CPD: variants seen among roughly 807,000 people sequenced by gnomAD.
CPD encodes metallocarboxypeptidase D.
In CPD, 69 loss-of-function variants were observed where a neutral mutation model predicts 138.3. The observed-to-expected ratio is 0.50, with a 90% CI of 0.41 to 0.61. The LOEUF (loss-of-function observed/expected upper bound fraction) is 0.61. Among genes scored for constraint, CPD ranks in the 20% least tolerant of loss-of-function variants. CPD has a pLI of 0.00. For missense variants in CPD, 1,432 were observed against 1,733.3 expected (o/e 0.83, Z 3.09); for synonymous variants, 651 against 642.1 (o/e 1.01, Z -0.21).
At chr17:30,451,614 A>G (rs140465883) in intron 13 of CPD, 97 bp from the exon 14 acceptor site, 28 of 1,035,936 alleles carry the variant, frequency 2.7e-5, no homozygotes, top group Non-Finnish European at 3.8e-5. Context: ...TAAATTAACT[A>G]TGTGTAGAAT....
intron 6 of CPD, 137 bp from the exon 7 acceptor site, chr17:30,427,254 A>G (rs1597721658): frequency 1.5e-6 from 1 of 662,656 alleles, no homozygotes; most frequent in East Asian, 2.8e-5. Flanking sequence ...AGACAGTTTC[A>G]TAATCATAGG....
intron 1 of CPD, chr17:30,380,766 C>T (rs111940987): frequency 1.5e-5 from 9 of 609,242 alleles, no homozygotes; most frequent in African/African-American, 5.7e-5. Context: ...CAGAGATGGG[C>T]AGGATTTTCA....
rs549778920 is a variant in CPD at position 30,412,106 on chromosome 17, A to G, written c.995-8735A>G. ...CTTCCTGTTTGTTAATTTTCCTTCT[A>G]ACAGGCCCCTCAGCTGCAGGTCTGT... On this transcript the variant is annotated intron_variant, in intron 2 of 20. Transcript: ENST00000225719. Among the ~76,000 whole-genome samples the G allele has an allele frequency of 1.1e-4, 16 of 152,168 alleles. No homozygotes were observed. The South Asian group carries it at 3.1e-3, about 30-fold the overall frequency.
Position 30,379,113 on chromosome 17 carries a change from A to G in CPD, c.133A>G (p.Ser45Gly). 2 of 1,544,596 alleles carry G rather than the reference A, an allele frequency of 1.3e-6. No individual in the cohort carries two copies. Among genetic ancestry groups the G allele is most frequent in the South Asian group, 1.2e-5 (1 of 84,614 alleles). ...KKAEATTTTTSAGAEAAEGQF... is the reference protein window; with the variant it reads ...KKAEATTTTTGAGAEAAEGQF... ...GGCGGAGGCGACTACCACAACTACG[A>G]GCGCGGGCGCCGAGGCGGCCGAGGG... The change falls in exon 1 of 21, where the codon AGC (serine) becomes GGC (glycine). Residue 45 changes from serine to glycine, a missense_variant. By Grantham distance (56) the Ser-to-Gly change is moderately conservative (BLOSUM62 0). Transcript: ENST00000225719. The surrounding 1 kb of genome is among the most constrained non-coding windows in gnomAD (Gnocchi z 7.0).
chr17:30,424,361 A>AT (rs1912345724), intron 6 of CPD, among the ~76,000 whole-genome samples: 1 of 152,108 alleles, frequency 6.6e-6, no homozygotes, highest in Non-Finnish European at 1.5e-5. Flanking sequence ...ATTAATGCTG[A>AT]TTGACTTTTC....
rs755230766 is a variant in CPD, at chr17:30,451,705, C to G, written c.3070-6C>G. 1 of 1,611,608 alleles carries G rather than the reference C, an allele frequency of 6.2e-7. No homozygotes were observed. Among genetic ancestry groups the G allele is most frequent in the Non-Finnish European group, 8.5e-7 (1 of 1,178,880 alleles). On this transcript the variant is annotated splice_polypyrimidine_tract_variant and splice_region_variant and intron_variant, in intron 13 of 20. Coordinates refer to ENST00000225719, the MANE Select transcript of CPD (RefSeq NM_001304.5). ...AGTAACTCGTTAATTTCTGTTTGTG[C>G]TTCAGTTGGTTGACAGGACTAGGAT...
intron 2 of CPD, among the ~76,000 whole-genome samples, chr17:30,416,264 G>A (rs1426542589): frequency 2.0e-5 from 3 of 152,130 alleles, no homozygotes; most frequent in African/African-American, 4.8e-5. Flanking sequence ...CCTGGGAGGC[G>A]GAGGTTGCGG....
In CPD at chr17:30,428,590, C is replaced by T. The variant is rs189003728; in HGVS notation, c.2017+1032C>T. 7.4e-3 allele frequency among the ~76,000 whole-genome samples: 1,127 copies of T among 152,142 alleles called. 9 individuals carry two copies. Among genetic ancestry groups the T allele is most frequent in the Non-Finnish European group, 0.013 (865 of 68,008 alleles). On this transcript the variant is annotated intron_variant, in intron 7 of 20. Coordinates refer to ENST00000225719, the MANE Select transcript of CPD (RefSeq NM_001304.5). ...GTGACAAAAGCCAGTCATAATAGAC[C>T]ACATAGTGCATGATTATTATTTTTT...
chr17:30,398,566 T>G (rs936092917), intron 2 of CPD, among the ~76,000 whole-genome samples: 1 of 152,124 alleles, frequency 6.6e-6, no homozygotes, highest in Non-Finnish European at 1.5e-5. Flanking sequence ...GGCTGCTCCC[T>G]GTTTGGGTGA....
At chr17:30,448,575 TAATTTTTCTC>T (rs1384293405) in intron 12 of CPD, among the ~76,000 whole-genome samples, 1 of 152,232 alleles carries the variant, frequency 6.6e-6, no homozygotes, top group African/African-American at 2.4e-5. Context: ...AGGTTTCTGT[TAATTTTTCTC>T]AATTTAATAT....
intron 20 of CPD, among the ~76,000 whole-genome samples, chr17:30,463,534 AC>A (rs1913550917): frequency 6.6e-6 from 1 of 152,220 alleles, no homozygotes; most frequent in African/African-American, 2.4e-5. Context: ...TTACGCTGGA[AC>A]TAATTCATGT....
chr17:30,464,615 C>T lies in CPD; in HGVS notation c.3944C>T (p.Thr1315Ile), dbSNP rs757239387. ...GCTACTATGTCGGCATTGATCCTAA[C>T]AGCTTGCATTATTTGGTGCATCTGC... ...SGATMSALIL[T>I]ACIIWCICSI... The change falls in exon 21 of 21, where the codon ACA becomes ATA. Residue 1315 changes from threonine to isoleucine, a missense_variant. Coordinates refer to ENST00000225719, the MANE Select transcript of CPD (RefSeq NM_001304.5). 2 of 1,613,790 alleles carry T rather than the reference C, an allele frequency of 1.2e-6. No homozygotes were observed. The highest frequency in any genetic ancestry group is 1.7e-6 in the Non-Finnish European group (2 of 1,179,824).
intron 2 of CPD, among the ~76,000 whole-genome samples, chr17:30,393,095 T>A (rs1911401912): frequency 6.6e-6 from 1 of 152,228 alleles, no homozygotes; most frequent in Non-Finnish European, 1.5e-5. Flanking sequence ...TTCTTCCCTC[T>A]CCTTTTATAC....
At chr17:30,461,392 CAAAAATGTATATTATTTATTTT>C in intron 18 of CPD, 81 bp downstream of exon 18, 1 of 1,089,486 alleles carries the variant, frequency 9.2e-7, no homozygotes, top group Non-Finnish European at 1.2e-6. Context: ...TGTCTTTTAC[CAAAAATGTATATTATTTATTTT>C]AAATTTATAT....
chr17:30,423,416 GTATAGGATT>G, intron 5 of CPD, 81 bp from the exon 6 acceptor site: 1 of 965,662 alleles, frequency 1.0e-6, no homozygotes, highest in Non-Finnish European at 1.4e-6. Context: ...AAATTTTTTA[GTATAGGATT>G]TATATATGTT....
At chr17:30,437,408 G>A (rs930431300) in intron 8 of CPD, among the ~76,000 whole-genome samples, 3 of 152,050 alleles carry the variant, frequency 2.0e-5, no homozygotes, top group African/African-American at 4.8e-5. Context: ...TACCAAGCCC[G>A]GTGTGATGGC....
intron 8 of CPD, among the ~76,000 whole-genome samples, chr17:30,434,605 T>C (rs60825234): frequency 0.018 from 2,741 of 151,898 alleles, 85 homozygotes; most frequent in African/African-American, 0.062. Flanking sequence ...AAGGAGAGGA[T>C]GGTTACAGGG....
intron 1 of CPD, among the ~76,000 whole-genome samples, chr17:30,382,153 GA>G (rs766200824): frequency 5.3e-5 from 8 of 152,094 alleles, no homozygotes; most frequent in Non-Finnish European, 1.2e-4. Context: ...GGGTGCAGAT[GA>G]TTTTTTTGGG....
At chr17:30,402,290 G>A (rs1459694663) in intron 2 of CPD, among the ~76,000 whole-genome samples, 4 of 152,092 alleles carry the variant, frequency 2.6e-5, no homozygotes, top group Non-Finnish European at 5.9e-5. Flanking sequence ...GGAAGGCTGG[G>A]CGTGGTGGTT....
Sources: allele counts gnomAD v4.1 joint callset (sites outside exome capture counted in the v4.1 genomes callset), GRCh38; gene constraint gnomAD v4.1.1; non-coding constraint Gnocchi (gnomAD v3.1); transcripts MANE v1.5; gene names NCBI Gene and HGNC (gene_info 2026-07-23, HGNC 2026-07-21).